The following ADGRL2 variants were observed in gnomAD, a reference collection of about 807,000 sequenced individuals.
The protein encoded by ADGRL2 is adhesion G protein-coupled receptor L2, also known as calcium-independent alpha-latrotoxin receptor 2.
ADGRL2 carries 44 observed loss-of-function variants against 157.4 expected under a neutral mutation model. The ratio of observed to expected loss-of-function variants is 0.28; its 90% CI spans 0.22 to 0.36. The LOEUF (loss-of-function observed/expected upper bound fraction) is 0.36. Ranked by LOEUF, ADGRL2 falls within the 10% of genes least tolerant of loss-of-function variation. ADGRL2 has a pLI of 1.00. For synonymous variants in ADGRL2, 585 were observed against 624.7 expected, an observed-to-expected ratio of 0.94 and a Z score of 0.95; for missense variants, 1,510 against 1,768.9, an observed-to-expected ratio of 0.85 and a Z score of 2.63.
intron 3 of ADGRL2, among the ~76,000 whole-genome samples, chr1:81,647,120 A>C (rs943622287): frequency 6.6e-6 from 1 of 152,228 alleles, no homozygotes; most frequent in Admixed American, 6.5e-5. Flanking sequence ...GTAGCAAAAA[A>C]AATTCAAACA....
chr1:81,492,629 A>G (rs2078657408), intron 2 of ADGRL2, among the ~76,000 whole-genome samples: 1 of 152,214 alleles, frequency 6.6e-6, no homozygotes, highest in Admixed American at 6.5e-5. Flanking sequence ...ACTTAAACTA[A>G]GAATGCTTCA....
chr1:81,338,989 CT>C (rs375324606), intron 1 of ADGRL2, among the ~76,000 whole-genome samples: 4 of 152,270 alleles, frequency 2.6e-5, no homozygotes, highest in African/African-American at 9.6e-5. Flanking sequence ...TTTCATCTGC[CT>C]TGTGGCACTA....
At chr1:81,317,969 A>G (rs1218001502) in intron 1 of ADGRL2, among the ~76,000 whole-genome samples, 1 of 152,208 alleles carries the variant, frequency 6.6e-6, no homozygotes, top group Non-Finnish European at 1.5e-5. Flanking sequence ...TGTATCATAA[A>G]TGCATACACA....
chr1:81,614,924 G>T (rs368840200), intron 3 of ADGRL2, among the ~76,000 whole-genome samples: 1 of 151,970 alleles, frequency 6.6e-6, no homozygotes, highest in Non-Finnish European at 1.5e-5. Context: ...GAAGCGGGAG[G>T]ATTACTTGAG....
chr1:81,515,758 C>G (rs1330972013), intron 2 of ADGRL2, among the ~76,000 whole-genome samples: 2 of 152,142 alleles, frequency 1.3e-5, no homozygotes, highest in East Asian at 3.9e-4. Context: ...GTATTTTATA[C>G]ATAAACATTC....
At chr1:81,830,213 A>G (rs2091843688) in intron 1 of ADGRL2, among the ~76,000 whole-genome samples, 1 of 152,194 alleles carries the variant, frequency 6.6e-6, no homozygotes, top group Non-Finnish European at 1.5e-5. Flanking sequence ...CAGTTAATAC[A>G]GAAGGTAAAA....
intron 3 of ADGRL2, among the ~76,000 whole-genome samples, chr1:81,670,463 G>T (rs2082851551): frequency 6.6e-6 from 1 of 152,134 alleles, no homozygotes. Flanking sequence ...GTCATTGACG[G>T]ACTCCTCTGG....
intron 3 of ADGRL2, among the ~76,000 whole-genome samples, chr1:81,660,771 T>C (rs2082633781): frequency 6.6e-6 from 1 of 152,184 alleles, no homozygotes; most frequent in African/African-American, 2.4e-5. Flanking sequence ...TTTCTCTAAA[T>C]TTGTGATCAA....
rs779502306 is a variant in ADGRL2 at position 81,985,263 on chromosome 1, G to A, written c.3416G>A (p.Arg1139His). 2.6e-6 allele frequency: 4 copies of A among 1,566,896 alleles called. No homozygotes were observed. The highest frequency in any genetic ancestry group is 2.3e-5 in the East Asian group (1 of 44,332). ...SARYSSGTQSRIRRMWNDTVR... is the reference protein window; with the variant it reads ...SARYSSGTQSHIRRMWNDTVR... Reference sequence around the variant, plus strand: ...CTTGCTGTTTTGTATTAATAGAGTCGTATAAGAAGAATGTGGAATGATACT... The same window carrying A: ...CTTGCTGTTTTGTATTAATAGAGTCATATAAGAAGAATGTGGAATGATACT... Residue 1139 changes from arginine (R) to histidine (H), a missense_variant, in exon 21 of 24, where the codon CGT (arginine) becomes CAT (histidine). This residue lies in a region of ADGRL2 where 497 missense variants were observed against 627.2 expected (regional missense o/e 0.79). Transcript: ENST00000686636.
intron 3 of ADGRL2, among the ~76,000 whole-genome samples, chr1:81,642,316 AG>A (rs2082236684): frequency 6.6e-6 from 1 of 151,032 alleles, no homozygotes; most frequent in African/African-American, 2.4e-5. Context: ...GCTGCTTGGG[AG>A]AATGAGGCAG....
At chr1:81,747,697 A>G (rs1557617259) in intron 1 of ADGRL2, among the ~76,000 whole-genome samples, 1 of 99,972 alleles carries the variant, frequency 1.0e-5, no homozygotes, top group African/African-American at 3.9e-5. Flanking sequence ...TTTTCCTTTA[A>G]TGTTTGTGTG....
At chr1:81,690,166 C>A (rs1309663053) in intron 3 of ADGRL2, among the ~76,000 whole-genome samples, 2 of 152,154 alleles carry the variant, frequency 1.3e-5, no homozygotes, top group Non-Finnish European at 2.9e-5. Flanking sequence ...ATTTGATCTT[C>A]CCAGTACTAT....
At chr1:81,769,863 C>G (rs2086280559) in intron 2 of ADGRL2, among the ~76,000 whole-genome samples, 1 of 148,618 alleles carries the variant, frequency 6.7e-6, no homozygotes, top group Non-Finnish European at 1.5e-5. Context: ...TTTTCCTTTT[C>G]TTTTTTTTTT....
intron 2 of ADGRL2, among the ~76,000 whole-genome samples, chr1:81,786,356 T>C (rs1362332341): frequency 6.6e-6 from 1 of 152,122 alleles, no homozygotes; most frequent in Non-Finnish European, 1.5e-5. Context: ...CACGGGTGGA[T>C]CACTTGAGGC....
intron 3 of ADGRL2, among the ~76,000 whole-genome samples, chr1:81,619,729 GTA>G (rs1160024818): frequency 7.8e-5 from 8 of 102,060 alleles, no homozygotes; most frequent in Non-Finnish European, 1.5e-4. Flanking sequence ...AGGGGTGTGT[GTA>G]TGTGTGTGTG....
At chr1:81,581,133 G>A (rs371367621) in intron 3 of ADGRL2, among the ~76,000 whole-genome samples, 1 of 152,104 alleles carries the variant, frequency 6.6e-6, no homozygotes, top group East Asian at 1.9e-4. Flanking sequence ...TCTGTAGAGG[G>A]TTGATACTTA....
chr1:81,694,172 G>A (rs72718811), intron 3 of ADGRL2, among the ~76,000 whole-genome samples: 2,683 of 152,178 alleles, frequency 0.018, 33 homozygotes, highest in South Asian at 0.054. Flanking sequence ...TAAGGGTATA[G>A]ATCATATGAA....
intron 2 of ADGRL2, among the ~76,000 whole-genome samples, chr1:81,773,155 A>G (rs990265583): frequency 2.0e-5 from 3 of 152,158 alleles, no homozygotes. Flanking sequence ...AAGGGAGAAT[A>G]TATCAATTGA....
At chr1:81,316,952 CCTTT>C (rs986090693) in intron 1 of ADGRL2, among the ~76,000 whole-genome samples, 1 of 152,152 alleles carries the variant, frequency 6.6e-6, no homozygotes, top group Non-Finnish European at 1.5e-5. Flanking sequence ...TGGAATTTGA[CCTTT>C]CTTTGTCAAT....
Sources: gnomAD v4.1 joint callset for allele counts (sites outside exome capture counted in the v4.1 genomes callset) on GRCh38, gnomAD v4.1.1 for gene constraint, gnomAD v4.1.1 regional missense constraint, MANE v1.5 for transcripts, NCBI Gene and HGNC (gene_info 2026-07-23, HGNC 2026-07-21) for gene names.